TSPAN18: variants seen among roughly 807,000 people sequenced by gnomAD.
TSPAN18 encodes the protein tetraspanin-18.
In TSPAN18, 14 loss-of-function variants were observed where a neutral mutation model predicts 27.3. The ratio of observed to expected loss-of-function variants is 0.51; its 90% CI spans 0.34 to 0.80. The LOEUF (loss-of-function observed/expected upper bound fraction) is 0.80, where lower values mean the gene tolerates loss of function less well. TSPAN18 is among the 30% of genes least tolerant of loss of function. The probability of loss-of-function intolerance (pLI) is 0.01; values close to 1 mark genes in which losing one functional copy is unlikely to be tolerated. For synonymous variants in TSPAN18, 143 were observed against 136.5 expected (o/e 1.05, Z -0.33); for missense variants, 268 against 323.9 (o/e 0.83, Z 1.32).
At chr11:44,795,481 C>T (rs1196805499) in intron 2 of TSPAN18, among the ~76,000 whole-genome samples, 2 of 152,094 alleles carry the variant, frequency 1.3e-5, no homozygotes, top group African/African-American at 2.4e-5. Flanking sequence ...TCCACTCATC[C>T]AAGCAGTAGG....
intron 1 of TSPAN18, among the ~76,000 whole-genome samples, chr11:44,731,950 C>G (rs1292287373): frequency 1.3e-5 from 2 of 152,204 alleles, no homozygotes; most frequent in Non-Finnish European, 2.9e-5. Context: ...GCTGATCAGC[C>G]TCTCCCAGAG....
At position 44,734,830 on chromosome 11, in the gene TSPAN18, C is replaced by T. The variant is rs541417085; in HGVS notation, c.-240+7543C>T. Among the ~76,000 whole-genome samples the T allele has an allele frequency of 4.6e-5, 7 of 152,276 alleles. No individual in the cohort carries two copies. The East Asian group carries it at 7.7e-4, about 17-fold the overall frequency. On this transcript the variant is annotated intron_variant, in intron 1 of 9. Coordinates refer to ENST00000520358, the MANE Select transcript of TSPAN18 (RefSeq NM_130783.5). ...CTCCTTCTGGGGGGACAGATTGCAG[C>T]GTGCTCTAGTGGGCCAAGTGCACTG...
intron 2 of TSPAN18, among the ~76,000 whole-genome samples, chr11:44,807,089 C>T (rs1304829282): frequency 6.6e-6 from 1 of 151,148 alleles, no homozygotes; most frequent in Non-Finnish European, 1.5e-5. Flanking sequence ...CAGGGACAGT[C>T]ACTCACACTT....
chr11:44,754,684 C>G (rs764272159), intron 1 of TSPAN18, among the ~76,000 whole-genome samples: 3 of 152,174 alleles, frequency 2.0e-5, no homozygotes, highest in African/African-American at 7.2e-5. Context: ...TAATGAGTGC[C>G]GTGGCTTGGG....
At chr11:44,762,117 A>G (rs1451195435) in intron 1 of TSPAN18, among the ~76,000 whole-genome samples, 1 of 152,242 alleles carries the variant, frequency 6.6e-6, no homozygotes, top group Non-Finnish European at 1.5e-5. Context: ...CTCCTCTGCC[A>G]ACTTCTAAAC....
intron 2 of TSPAN18, among the ~76,000 whole-genome samples, chr11:44,838,401 G>C (rs1411601444): frequency 6.6e-6 from 1 of 152,136 alleles, no homozygotes; most frequent in African/African-American, 2.4e-5. Flanking sequence ...CTCCCACCCG[G>C]TTCCTCCCAT....
intron 2 of TSPAN18, among the ~76,000 whole-genome samples, chr11:44,774,573 C>T (rs1017828262): frequency 9.9e-5 from 15 of 152,224 alleles, no homozygotes; most frequent in Non-Finnish European, 1.8e-4. Flanking sequence ...CAGAAGTCAC[C>T]TTGCAATTGG....
At chr11:44,904,400 G>A (rs192326666) in intron 3 of TSPAN18, among the ~76,000 whole-genome samples, 45 of 152,362 alleles carry the variant, frequency 3.0e-4, no homozygotes, top group African/African-American at 9.4e-4. Flanking sequence ...ATCCAAAGCC[G>A]ATGTGCCTGT....
chr11:44,831,222 C>T (rs183867527), intron 2 of TSPAN18, among the ~76,000 whole-genome samples: 9 of 152,282 alleles, frequency 5.9e-5, no homozygotes, highest in African/African-American at 2.2e-4. Context: ...GGTTTAGGGT[C>T]CAGGGAACAG....
intron 1 of TSPAN18, among the ~76,000 whole-genome samples, chr11:44,750,394 G>A (rs1855183039): frequency 6.6e-6 from 1 of 152,184 alleles, no homozygotes; most frequent in African/African-American, 2.4e-5. Flanking sequence ...TTATTTGGAA[G>A]CTTTTGAAAC....
At chr11:44,851,444 C>T (rs925637429) in intron 2 of TSPAN18, among the ~76,000 whole-genome samples, 1 of 152,146 alleles carries the variant, frequency 6.6e-6, no homozygotes, top group Non-Finnish European at 1.5e-5. Flanking sequence ...TAGATCAATG[C>T]TCCCTGGAAA....
Position 44,929,427 on chromosome 11 carries a change from C to T in TSPAN18, c.*249C>T. On this transcript the variant is annotated 3_prime_UTR_variant, in exon 10 of 10. Coordinates refer to ENST00000520358, the MANE Select transcript of TSPAN18 (RefSeq NM_130783.5). ...GTGGGTTCTCCAGAGACCCCAGCAA[C>T]TGGCCCAGGATGCAGGCTGCTCTAG... 1 of 535,426 alleles carries T rather than the reference C, an allele frequency of 1.9e-6. No homozygotes were observed. Among genetic ancestry groups the T allele is most frequent in the South Asian group, 2.5e-5 (1 of 39,458 alleles). 33.2% of individuals were successfully genotyped at this position (535,426 alleles called of 1,614,324 possible). A position where few individuals can be genotyped will look rare whatever the true frequency, so the allele number is the denominator to read the frequency against.
chr11:44,843,856 G>C (rs555319198), intron 2 of TSPAN18, among the ~76,000 whole-genome samples: 1 of 152,306 alleles, frequency 6.6e-6, no homozygotes, highest in Admixed American at 6.5e-5. Context: ...CTGAACAATT[G>C]CTGTTATCCT....
At chr11:44,836,581 A>G (rs1399438630) in intron 2 of TSPAN18, among the ~76,000 whole-genome samples, 1 of 152,226 alleles carries the variant, frequency 6.6e-6, no homozygotes, top group African/African-American at 2.4e-5. Context: ...ATACAAAACA[A>G]CAGATTTTCA....
At chr11:44,756,368 C>T (rs1200842075) in intron 1 of TSPAN18, among the ~76,000 whole-genome samples, 1 of 151,972 alleles carries the variant, frequency 6.6e-6, no homozygotes, top group African/African-American at 2.4e-5. Context: ...TGAATCATAG[C>T]TACTCCCTTT....
At chr11:44,862,884 C>T (rs1857935165) in intron 3 of TSPAN18, among the ~76,000 whole-genome samples, 1 of 152,146 alleles carries the variant, frequency 6.6e-6, no homozygotes, top group African/African-American at 2.4e-5. Context: ...TTGTCATGGC[C>T]CTGGGGAGGA....
intron 1 of TSPAN18, 37 bp downstream of exon 1, chr11:44,727,324 G>C (rs1490738181): frequency 1.3e-5 from 2 of 152,316 alleles, no homozygotes; most frequent in African/African-American, 4.8e-5. Flanking sequence ...TCCGCACGCC[G>C]CCGCCGCGCC....
In TSPAN18 at chr11:44,804,389, C is replaced by T. The variant is rs1281191213; in HGVS notation, c.-153+39877C>T. Among the ~76,000 whole-genome samples, 3 of 152,258 alleles carry T rather than the reference C, an allele frequency of 2.0e-5. No individual in the cohort carries two copies. The East Asian group carries it at 5.8e-4, about 29-fold the overall frequency. ...TACAGGCGTAAGCCACCGCGCCCAG[C>T]CAGTAAGTTTCTTGAGGGCCACAGG... On this transcript the variant is annotated intron_variant, in intron 2 of 9. Coordinates refer to ENST00000520358, the MANE Select transcript of TSPAN18 (RefSeq NM_130783.5).
chr11:44,927,434 G>C lies in TSPAN18; in HGVS notation c.699+677G>C, dbSNP rs560857155. Among the ~76,000 whole-genome samples, 4 of 152,228 alleles carry C rather than the reference G, an allele frequency of 2.6e-5. No homozygotes were observed. In the East Asian group the frequency reaches 7.7e-4, roughly 29 times the overall value. ...CACTCTGGGGCCTCAGTCAGTCCTC[G>C]GCCTGCGGGGGAAGGAAGTCAGGCA... On this transcript the variant is annotated intron_variant, in intron 9 of 9. Coordinates refer to ENST00000520358, the MANE Select transcript of TSPAN18 (RefSeq NM_130783.5).
Sources: gnomAD v4.1 joint callset for allele counts (sites outside exome capture counted in the v4.1 genomes callset) on GRCh38, gnomAD v4.1.1 for gene constraint, MANE v1.5 for transcripts, NCBI Gene and HGNC (gene_info 2026-07-23, HGNC 2026-07-21) for gene names.